SLC24A3: variants seen among roughly 807,000 people sequenced by gnomAD.
SLC24A3 encodes sodium/potassium/calcium exchanger 3.
SLC24A3 carries 28 observed loss-of-function variants against 75.8 expected under a neutral mutation model. The observed-to-expected ratio is 0.37, with a 90% confidence interval of 0.27 to 0.51. SLC24A3 has a LOEUF of 0.51. Among genes scored for constraint, SLC24A3 ranks in the 20% least tolerant of loss-of-function variants. The pLI is 0.94. For missense variants in SLC24A3, 663 were observed against 847.8 expected, an observed-to-expected ratio of 0.78 and a Z score of 2.71; for synonymous variants, 372 against 334.1, an observed-to-expected ratio of 1.11 and a Z score of -1.24.
At chr20:19,531,434 G>A (rs1181379652) in intron 3 of SLC24A3, among the ~76,000 whole-genome samples, 1 of 152,258 alleles carries the variant, frequency 6.6e-6, no homozygotes, top group African/African-American at 2.4e-5. Context: ...GGGCCATTAA[G>A]AGGAGGAGAA....
intron 1 of SLC24A3, chr20:19,261,914 G>T (rs1288655364): frequency 6.6e-6 from 1 of 152,262 alleles, no homozygotes; most frequent in Non-Finnish European, 1.5e-5. Context: ...TTGATGTATT[G>T]GAGATTTATC....
chr20:19,620,840 A>G (rs575592070), intron 6 of SLC24A3, among the ~76,000 whole-genome samples: 1 of 152,294 alleles, frequency 6.6e-6, no homozygotes, highest in East Asian at 1.9e-4. Context: ...GGAGAGAATG[A>G]TGGGGTTCAC....
Position 19,541,267 on chromosome 20 carries a change from A to G in SLC24A3, c.348+25703A>G, listed in dbSNP as rs117655958. On this transcript the variant is annotated intron_variant, in intron 3 of 16. Transcript: ENST00000328041. Reference sequence around the variant, plus strand: ...TAACAAGGATAATGGCAGCGGCTGCAGCGGGGAGACGTCTCTGGAAGATGT... The same window carrying G: ...TAACAAGGATAATGGCAGCGGCTGCGGCGGGGAGACGTCTCTGGAAGATGT... Among the ~76,000 whole-genome samples the G allele has an allele frequency of 7.2e-3, 1,095 of 152,354 alleles. 2 individuals carry two copies. The highest frequency in any genetic ancestry group is 0.012 in the Non-Finnish European group (817 of 68,034).
chr20:19,245,540 T>C (rs1982461896), intron 1 of SLC24A3, among the ~76,000 whole-genome samples: 1 of 152,114 alleles, frequency 6.6e-6, no homozygotes. Context: ...ACGTTTGTGT[T>C]AAAATTTATG....
chr20:19,603,079 G>A (rs1056857536), intron 6 of SLC24A3, among the ~76,000 whole-genome samples: 1 of 152,210 alleles, frequency 6.6e-6, no homozygotes, highest in South Asian at 2.1e-4. Flanking sequence ...AAATCACACA[G>A]CGTGGCACTA....
At chr20:19,680,336 G>A (rs2032599463) in intron 9 of SLC24A3, among the ~76,000 whole-genome samples, 1 of 152,184 alleles carries the variant, frequency 6.6e-6, no homozygotes. Flanking sequence ...TTTCCTATAT[G>A]TCTGTAATTG....
intron 15 of SLC24A3, among the ~76,000 whole-genome samples, chr20:19,717,263 C>T (rs1201309806): frequency 1.3e-5 from 2 of 152,210 alleles, no homozygotes; most frequent in East Asian, 3.8e-4. Flanking sequence ...CCGTGGGGCA[C>T]TCCAGCCAGG....
At chr20:19,536,086 G>T (rs2030390841) in intron 3 of SLC24A3, among the ~76,000 whole-genome samples, 1 of 152,098 alleles carries the variant, frequency 6.6e-6, no homozygotes. Flanking sequence ...CATGAACTTT[G>T]GGGGAAGCAC....
intron 2 of SLC24A3, among the ~76,000 whole-genome samples, chr20:19,390,430 A>T (rs139923609): frequency 6.6e-6 from 1 of 152,204 alleles, no homozygotes; most frequent in African/African-American, 2.4e-5. Context: ...CTGGTGCCTC[A>T]TTCATCAGTT....
At chr20:19,258,914 A>G (rs956135105) in intron 1 of SLC24A3, among the ~76,000 whole-genome samples, 2 of 152,180 alleles carry the variant, frequency 1.3e-5, no homozygotes, top group African/African-American at 4.8e-5. Context: ...TTCAGGCCCT[A>G]TCTCCTTCTG....
intron 1 of SLC24A3, among the ~76,000 whole-genome samples, chr20:19,217,797 C>T (rs561739391): frequency 1.3e-5 from 2 of 152,306 alleles, no homozygotes; most frequent in Admixed American, 6.5e-5. Context: ...AGATTCCTGG[C>T]GCTTGCTGGT....
intron 1 of SLC24A3, among the ~76,000 whole-genome samples, chr20:19,222,420 C>T (rs1981739410): frequency 6.6e-6 from 1 of 152,120 alleles, no homozygotes; most frequent in African/African-American, 2.4e-5. Context: ...TTGATTGTAT[C>T]TCTGTTATGC....
At chr20:19,390,829 G>A (rs1010654488) in intron 2 of SLC24A3, among the ~76,000 whole-genome samples, 1 of 152,244 alleles carries the variant, frequency 6.6e-6, no homozygotes, top group African/African-American at 2.4e-5. Context: ...GGGGAGGCCT[G>A]GAGACTGGGT....
intron 2 of SLC24A3, among the ~76,000 whole-genome samples, chr20:19,407,800 G>A (rs528661215): frequency 6.6e-5 from 10 of 152,232 alleles, no homozygotes; most frequent in South Asian, 4.1e-4. Flanking sequence ...CTATCATGGC[G>A]TCTGCATGCT....
chr20:19,639,231 G>GTGTCA (rs1367154250), intron 6 of SLC24A3, among the ~76,000 whole-genome samples: 4 of 152,200 alleles, frequency 2.6e-5, no homozygotes, highest in African/African-American at 9.7e-5. Context: ...AGAGTAGCTA[G>GTGTCA]ATACAGAGTG....
At chr20:19,403,907 C>G (rs770764628) in intron 2 of SLC24A3, among the ~76,000 whole-genome samples, 1 of 152,184 alleles carries the variant, frequency 6.6e-6, no homozygotes, top group African/African-American at 2.4e-5. Context: ...ATCCTTTAGT[C>G]AAACAAAATA....
chr20:19,694,855 C>T (rs1347831220), intron 13 of SLC24A3: 1 of 152,312 alleles, frequency 6.6e-6, no homozygotes, highest in African/African-American at 2.4e-5. Context: ...CAGCCACAAA[C>T]ATGATCATGA....
In SLC24A3 at chr20:19,464,674, C is replaced by G. The variant is rs182916821; in HGVS notation, c.272-50814C>G. On this transcript the variant is annotated intron_variant, in intron 2 of 16. Transcript: ENST00000328041. ...CAACAATCATAGCACAGTCTACATA[C>G]AGAGTACATTTGTCTCAGCAATTTA... Among the ~76,000 whole-genome samples the G allele has an allele frequency of 4.6e-5, 7 of 152,322 alleles. No individual in the cohort carries two copies. The East Asian group carries it at 1.3e-3, about 29-fold the overall frequency.
intron 2 of SLC24A3, among the ~76,000 whole-genome samples, chr20:19,439,791 A>G (rs1394759908): frequency 6.6e-6 from 1 of 152,188 alleles, no homozygotes; most frequent in Non-Finnish European, 1.5e-5. Context: ...CGCTGATCCG[A>G]GTGATTGATT....
Sources: allele counts gnomAD v4.1 joint callset (sites outside exome capture counted in the v4.1 genomes callset), GRCh38; gene constraint gnomAD v4.1.1; transcripts MANE v1.5; gene names NCBI Gene and HGNC (gene_info 2026-07-23, HGNC 2026-07-21).